Variants in SETBP1 observed in about 807,000 individuals in gnomAD.
SETBP1 encodes the protein SET binding protein 1.
In SETBP1, 9 loss-of-function variants were observed where a neutral mutation model predicts 101.0. The observed-to-expected ratio is 0.09, with a 90% confidence interval of 0.05 to 0.16. SETBP1 has a LOEUF of 0.16. SETBP1 is among the 10% of genes least tolerant of loss of function. The pLI is 1.00. For missense variants in SETBP1, 1,858 were observed against 2,033.8 expected (o/e 0.91, Z 1.66); for synonymous variants, 818 against 788.5 (o/e 1.04, Z -0.63).
rs138141500 is a variant in SETBP1, at chr18:44,845,285, C to T, written c.487-23945C>T. On this transcript the variant is annotated intron_variant, in intron 2 of 5. Transcript: ENST00000649279. ...CATGGTTCTTCCACAGTAACATCTC[C>T]TGGAATCTCAGGAACCATCCAGCCC... 1.1e-4 allele frequency among the ~76,000 whole-genome samples: 16 copies of T among 152,252 alleles called. No individual in the cohort carries two copies. The East Asian group carries it at 3.1e-3, about 29-fold the overall frequency.
At chr18:44,693,033 T>C (rs1755072095) in intron 1 of SETBP1, among the ~76,000 whole-genome samples, 1 of 152,184 alleles carries the variant, frequency 6.6e-6, no homozygotes, top group South Asian at 2.1e-4. Flanking sequence ...GTGATGTATC[T>C]TCAGGGTCAG....
intron 1 of SETBP1, among the ~76,000 whole-genome samples, chr18:44,682,799 G>T (rs1392419396): frequency 3.3e-5 from 5 of 152,172 alleles, no homozygotes; most frequent in African/African-American, 9.7e-5. Flanking sequence ...CCGTTAAGGG[G>T]ACAAAACCAA....
chr18:45,005,300 GTCA>G (rs1424900092), intron 4 of SETBP1, among the ~76,000 whole-genome samples: 1 of 152,176 alleles, frequency 6.6e-6, no homozygotes, highest in Non-Finnish European at 1.5e-5. Context: ...AGGAGATACA[GTCA>G]TCATTTTTCT....
chr18:45,012,719 A>G (rs2072864843), intron 4 of SETBP1, among the ~76,000 whole-genome samples: 2 of 152,212 alleles, frequency 1.3e-5, no homozygotes, highest in African/African-American at 2.4e-5. Flanking sequence ...AGCAAAATGG[A>G]TGGAACTACC....
In SETBP1 at chr18:45,063,474, C is replaced by T. The variant is rs1265164296; in HGVS notation, c.4567C>T (p.Pro1523Ser). 2.2e-6 allele frequency: 3 copies of T among 1,384,328 alleles called. No individual in the cohort carries two copies. Among genetic ancestry groups the T allele is most frequent in the African/African-American group, 1.5e-5 (1 of 66,638 alleles). 85.8% of individuals were successfully genotyped at this position (1,384,328 alleles called of 1,614,324 possible). A position where few individuals can be genotyped will look rare whatever the true frequency, so the allele number is the denominator to read the frequency against. Residue 1523 changes from proline (P) to serine (S), a missense_variant, in exon 6 of 6, where the codon CCC becomes TCC. Transcript: ENST00000649279. ...CATGGCCCGGGAGGCGCCGCCCCTGCCCCCGCCACCGCCGCCGCCCCTGCC... is the reference window on the plus strand; with the variant it reads ...CATGGCCCGGGAGGCGCCGCCCCTGTCCCCGCCACCGCCGCCGCCCCTGCC... Reference protein sequence around the residue: ...IHMAREAPPLPPPPPPPLPPP... With the variant: ...IHMAREAPPLSPPPPPPLPPP...
chr18:44,872,816 G>A (rs1299504930), intron 3 of SETBP1, among the ~76,000 whole-genome samples: 1 of 152,202 alleles, frequency 6.6e-6, no homozygotes, highest in African/African-American at 2.4e-5. Context: ...TCAGACTCAG[G>A]TCCTGCATGC....
chr18:44,926,083 T>G (rs1245477144), intron 3 of SETBP1, among the ~76,000 whole-genome samples: 2 of 152,162 alleles, frequency 1.3e-5, no homozygotes, highest in Non-Finnish European at 2.9e-5. Context: ...TTTATTTGTG[T>G]TTGAGAGGGG....
rs141225535 is a variant in SETBP1 at position 44,869,252 on chromosome 18, C to T, written c.509C>T (p.Ala170Val). 1.2e-6 allele frequency: 2 copies of T among 1,613,940 alleles called. No homozygotes were observed. The highest frequency in any genetic ancestry group is 1.7e-6 in the Non-Finnish European group (2 of 1,179,966). ...KKKLLTASDL[A>V]ASDLKGFQPQ... is the part of the protein sequence containing the mutation. ...CAGCTCCTCACAGCCAGTGACCTTG[C>T]AGCCAGTGACCTCAAAGGATTTCAG... Residue 170 changes from alanine (A) to valine (V), a missense_variant, in exon 3 of 6, where the codon GCA (alanine) becomes GTA (valine). By Grantham distance (64) the Ala-to-Val change is moderately conservative. Around this residue, in one of 12 missense-constraint regions of SETBP1, gnomAD observed 581 missense variants for 535.1 expected, o/e 1.09. Transcript: ENST00000649279.
intron 3 of SETBP1, among the ~76,000 whole-genome samples, chr18:44,942,538 T>A (rs556214760): frequency 9.9e-5 from 15 of 152,264 alleles, no homozygotes; most frequent in African/African-American, 3.1e-4. Flanking sequence ...TATCTGGGCT[T>A]TTCTTCCCTA....
intron 2 of SETBP1, among the ~76,000 whole-genome samples, chr18:44,777,782 C>T (rs777021971): frequency 3.3e-5 from 5 of 152,212 alleles, no homozygotes; most frequent in Non-Finnish European, 7.3e-5. Flanking sequence ...CAAAATCTGA[C>T]TTTCACACAA....
In SETBP1 at chr18:44,951,417, A is replaced by G; in HGVS notation, c.2077A>G (p.Lys693Glu). 6.2e-7 allele frequency: 1 copy of G among 1,614,158 alleles called. No homozygotes were observed. Among genetic ancestry groups the G allele is most frequent in the East Asian group, 2.2e-5 (1 of 44,856 alleles). ...SCSSSVALKAKAPPETSPGAA... is the reference protein window; with the variant it reads ...SCSSSVALKAEAPPETSPGAA... ...TTCCAGCAGCGTTGCTCTGAAGGCA[A>G]AAGCTCCCCCAGAGACCAGCCCTGG... The change falls in exon 4 of 6, where the codon AAA becomes GAA. Residue 693 changes from lysine to glutamate, a missense_variant. Physicochemically the swap from Lys to Glu is moderately conservative, Grantham distance 56. Around this residue, in one of 12 missense-constraint regions of SETBP1, gnomAD observed 111 missense variants for 119.3 expected, o/e 0.93. Transcript: ENST00000649279. The surrounding 1 kb of genome is among the most constrained non-coding windows in gnomAD (Gnocchi z 7.8).
intron 2 of SETBP1, among the ~76,000 whole-genome samples, chr18:44,749,457 C>T (rs939995541): frequency 4.6e-5 from 7 of 152,110 alleles, no homozygotes; most frequent in African/African-American, 1.2e-4. Context: ...CATTCTTTTT[C>T]GGGAGAAAGG....
intron 5 of SETBP1, among the ~76,000 whole-genome samples, chr18:45,040,070 C>T (rs889752518): frequency 1.3e-5 from 2 of 152,142 alleles, no homozygotes; most frequent in African/African-American, 2.4e-5. Flanking sequence ...CATATCTGAA[C>T]ACACAACCCT....
chr18:44,748,867 C>T (rs1337372209), intron 2 of SETBP1, among the ~76,000 whole-genome samples: 1 of 152,098 alleles, frequency 6.6e-6, no homozygotes, highest in African/African-American at 2.4e-5. Context: ...GGGGATGTGG[C>T]AGGACACACA....
At position 45,063,729 on chromosome 18, in the gene SETBP1, A is replaced by C; in HGVS notation, c.*31A>C. Reference sequence around the variant, plus strand: ...GTCTGGGCGTCTGCACCTGGGGCCTAGGGAACTGACACGTGGGAAGCGCAG... The same window carrying C: ...GTCTGGGCGTCTGCACCTGGGGCCTCGGGAACTGACACGTGGGAAGCGCAG... On this transcript the variant is annotated 3_prime_UTR_variant, in exon 6 of 6. Transcript: ENST00000649279. 1 of 1,591,518 alleles carries C rather than the reference A, an allele frequency of 6.3e-7. No homozygotes were observed. Among genetic ancestry groups the C allele is most frequent in the East Asian group, 2.3e-5 (1 of 43,526 alleles).
chr18:44,769,678 A>T (rs967200236), intron 2 of SETBP1, among the ~76,000 whole-genome samples: 1 of 152,218 alleles, frequency 6.6e-6, no homozygotes, highest in Non-Finnish European at 1.5e-5. Flanking sequence ...AACTATTCTT[A>T]TAAGGAAATC....
intron 2 of SETBP1, among the ~76,000 whole-genome samples, chr18:44,836,920 C>T (rs2072508749): frequency 6.6e-6 from 1 of 152,190 alleles, no homozygotes; most frequent in Admixed American, 6.5e-5. Flanking sequence ...ACTTACATCC[C>T]TATTTTTTTT....
intron 1 of SETBP1, among the ~76,000 whole-genome samples, chr18:44,693,343 T>A (rs2068965005): frequency 6.6e-6 from 1 of 152,118 alleles, no homozygotes; most frequent in South Asian, 2.1e-4. Context: ...CAAGGGCTTA[T>A]CATCTAGTGG....
chr18:44,743,548 G>T (rs2070147484), intron 2 of SETBP1, among the ~76,000 whole-genome samples: 1 of 152,198 alleles, frequency 6.6e-6, no homozygotes, highest in Non-Finnish European at 1.5e-5. Flanking sequence ...TGGGAGAAGG[G>T]TCTGCCAGGG....
Sources: allele counts gnomAD v4.1 joint callset (sites outside exome capture counted in the v4.1 genomes callset), GRCh38; gene constraint gnomAD v4.1.1; regional missense constraint gnomAD v4.1.1; non-coding constraint Gnocchi (gnomAD v3.1); transcripts MANE v1.5; gene names NCBI Gene and HGNC (gene_info 2026-07-23, HGNC 2026-07-21).